The following OPCML variants were observed in gnomAD, a reference collection of about 807,000 sequenced individuals.
OPCML encodes the protein opioid binding protein/cell adhesion molecule like.
In OPCML, 13 loss-of-function variants were observed where a neutral mutation model predicts 37.8. That is an observed-to-expected ratio of 0.34 (90% CI 0.22 to 0.55). The LOEUF is 0.55. Among genes scored for constraint, OPCML ranks in the 20% least tolerant of loss-of-function variants. OPCML has a pLI of 0.91. For missense variants in OPCML, 341 were observed against 435.6 expected (o/e 0.78, Z 1.93); for synonymous variants, 176 against 168.8 (o/e 1.04, Z -0.33).
At chr11:133,314,493 C>T (rs1345319754) in intron 1 of OPCML, among the ~76,000 whole-genome samples, 3 of 151,390 alleles carry the variant, frequency 2.0e-5, no homozygotes, top group African/African-American at 7.3e-5. Flanking sequence ...GGCTTCTGCA[C>T]ACTATTCATC....
chr11:132,607,511 C>T (rs1394185668), intron 3 of OPCML, among the ~76,000 whole-genome samples: 1 of 152,174 alleles, frequency 6.6e-6, no homozygotes, highest in East Asian at 1.9e-4. Flanking sequence ...GTTCCTGTAT[C>T]CTTGTGTTCT....
chr11:132,863,374 G>T (rs1942389111), intron 2 of OPCML, among the ~76,000 whole-genome samples: 1 of 152,174 alleles, frequency 6.6e-6, no homozygotes, highest in Non-Finnish European at 1.5e-5. Context: ...GGACGTGTGT[G>T]AATATGACAC....
At chr11:132,870,275 T>C (rs1942745401) in intron 2 of OPCML, among the ~76,000 whole-genome samples, 1 of 152,148 alleles carries the variant, frequency 6.6e-6, no homozygotes, top group Admixed American at 6.5e-5. Flanking sequence ...CCTGCCACTT[T>C]TCTCGAGGGC....
chr11:132,823,073 G>T (rs1396044331), intron 2 of OPCML, among the ~76,000 whole-genome samples: 1 of 152,068 alleles, frequency 6.6e-6, no homozygotes, highest in East Asian at 1.9e-4. Flanking sequence ...AGATTATATT[G>T]CATGCCAATT....
At chr11:133,025,465 C>T (rs915961877) in intron 1 of OPCML, 3 of 985,230 alleles carry the variant, frequency 3.0e-6, no homozygotes, top group Non-Finnish European at 3.6e-6. Context: ...AACTTTATAA[C>T]CCTTAACTAT....
intron 3 of OPCML, among the ~76,000 whole-genome samples, chr11:132,619,776 C>G (rs901564868): frequency 6.8e-6 from 1 of 146,456 alleles, no homozygotes; most frequent in African/African-American, 2.5e-5. Context: ...GGCATGAACC[C>G]GGGAGGCGGA....
intron 2 of OPCML, chr11:132,860,712 C>A (rs1246888126): frequency 6.6e-6 from 1 of 152,040 alleles, no homozygotes; most frequent in African/African-American, 2.4e-5. Context: ...TTCATTTTAC[C>A]AAAAAAGCTG....
At chr11:132,506,680 A>T (rs1049131740) in intron 4 of OPCML, among the ~76,000 whole-genome samples, 1 of 152,190 alleles carries the variant, frequency 6.6e-6, no homozygotes, top group Non-Finnish European at 1.5e-5. Flanking sequence ...AGACTCACAC[A>T]GGCTGCAAAT....
chr11:133,528,124 C>A (rs1016135922), intron 1 of OPCML, among the ~76,000 whole-genome samples: 3 of 152,218 alleles, frequency 2.0e-5, no homozygotes, highest in African/African-American at 7.2e-5. Flanking sequence ...CATGGGAGAA[C>A]CTCAAGCCCG....
At chr11:133,207,305 C>A (rs1204705747) in intron 1 of OPCML, among the ~76,000 whole-genome samples, 2 of 151,764 alleles carry the variant, frequency 1.3e-5, no homozygotes, top group Admixed American at 6.6e-5. Context: ...ATCTCAAAAA[C>A]AAAAAACAAA....
rs189364141 is a variant in OPCML, at chr11:133,070,170, A to G, written c.62-127160T>C. 3.3e-5 allele frequency among the ~76,000 whole-genome samples: 5 copies of G among 152,298 alleles called. No homozygotes were observed. In the East Asian group the frequency reaches 7.7e-4, roughly 23 times the overall value. ...CCTCGGGCATCTGCATTACAAATTT[A>G]CCTCTCATTACAGCTATGTTAACGG... On this transcript the variant is annotated intron_variant, in intron 1 of 7. Transcript: ENST00000524381.
chr11:133,283,943 G>A (rs970275385), intron 1 of OPCML, among the ~76,000 whole-genome samples: 2 of 151,838 alleles, frequency 1.3e-5, no homozygotes, highest in Admixed American at 6.6e-5. Context: ...CTCCTGGATC[G>A]CTTCCCCCCC....
At chr11:133,434,867 A>G (rs921764179) in intron 1 of OPCML, among the ~76,000 whole-genome samples, 1 of 147,816 alleles carries the variant, frequency 6.8e-6, no homozygotes, top group Non-Finnish European at 1.5e-5. Context: ...TATAATATAT[A>G]TTATTTCATA....
chr11:132,745,308 G>A (rs1021290293), intron 2 of OPCML, among the ~76,000 whole-genome samples: 6 of 152,102 alleles, frequency 3.9e-5, no homozygotes, highest in Non-Finnish European at 7.4e-5. Flanking sequence ...ACCAGCACAA[G>A]TCTTCAGTGG....
chr11:133,466,620 T>C lies in OPCML; in HGVS notation c.61+65644A>G, dbSNP rs536155224. Among the ~76,000 whole-genome samples the C allele has an allele frequency of 2.0e-5, 3 of 152,314 alleles. No individual in the cohort carries two copies. In the East Asian group the frequency reaches 5.8e-4, roughly 29 times the overall value. ...GCTACCAAGCTAAAAAGTTTTAAAC[T>C]CTCCTGTGTAGTCAAATACCAGCCA... On this transcript the variant is annotated intron_variant, in intron 1 of 7. Transcript: ENST00000524381.
At chr11:132,837,038 G>T (rs914522874) in intron 2 of OPCML, among the ~76,000 whole-genome samples, 1 of 152,172 alleles carries the variant, frequency 6.6e-6, no homozygotes, top group South Asian at 2.1e-4. Context: ...GTCTGGGCTG[G>T]ATGCAGTGGC....
At position 132,436,407 on chromosome 11, in the gene OPCML, G is replaced by A. The variant is rs959522587; in HGVS notation, c.765-170C>T. ...CTTGCCCAATGGGATAAATGTACTG[G>A]CTTCTAATTCCCAACGACTGACATG... On this transcript the variant is annotated intron_variant, in intron 6 of 7. Coordinates refer to ENST00000524381, the MANE Select transcript of OPCML (RefSeq NM_001012393.5). The A allele has an allele frequency of 3.1e-6, 3 of 979,606 alleles. No individual in the cohort carries two copies. In the African/African-American group the frequency reaches 5.3e-5, roughly 17 times the overall value. The allele number at this position is 979,606 out of a possible 1,614,324, so 60.7% of individuals were successfully genotyped here. A position where few individuals can be genotyped will look rare whatever the true frequency, so the allele number is the denominator to read the frequency against.
At chr11:133,457,387 A>C (rs1946695065) in intron 1 of OPCML, among the ~76,000 whole-genome samples, 1 of 151,946 alleles carries the variant, frequency 6.6e-6, no homozygotes, top group African/African-American at 2.4e-5. Context: ...AAAAATTTAA[A>C]AATCAACTGG....
intron 2 of OPCML, among the ~76,000 whole-genome samples, chr11:132,776,324 A>G (rs1265246539): frequency 2.6e-5 from 4 of 152,190 alleles, no homozygotes; most frequent in Non-Finnish European, 4.4e-5. Context: ...TAACATAACA[A>G]ACCCTGGTGG....
Sources: allele counts gnomAD v4.1 joint callset (sites outside exome capture counted in the v4.1 genomes callset), GRCh38; gene constraint gnomAD v4.1.1; transcripts MANE v1.5; gene names NCBI Gene and HGNC (gene_info 2026-07-23, HGNC 2026-07-21).